Variants in MMD2 observed in about 807,000 individuals in gnomAD.
The protein encoded by MMD2 is monocyte to macrophage differentiation factor 2.
MMD2 carries 30 observed loss-of-function variants against 33.5 expected under a neutral mutation model. The ratio of observed to expected loss-of-function variants is 0.90; its 90% CI spans 0.67 to 1.22. The LOEUF is 1.22. MMD2 is among the 50% of genes most tolerant of loss of function. MMD2 has a pLI of 0.00. For missense variants in MMD2, 364 were observed against 325.4 expected (o/e 1.12, Z -0.91); for synonymous variants, 129 against 123.0 (o/e 1.05, Z -0.32).
rs568787663 is a variant in MMD2 at position 4,940,030 on chromosome 7, C to T, written c.48-14498G>A. On this transcript the variant is annotated intron_variant, in intron 1 of 6. Transcript: ENST00000401401. The surrounding 1 kb of genome is among the most constrained non-coding windows in gnomAD (Gnocchi z 5.0). ...GCGCTGGCATTACAGGCGTGAGCCA[C>T]CGCACCTGGCCCAATCTATTTCTAT... 3.3e-5 allele frequency among the ~76,000 whole-genome samples: 5 copies of T among 152,326 alleles called. No homozygotes were observed. The highest frequency in any genetic ancestry group is 1.2e-4 in the African/African-American group (5 of 41,576).
At chr7:4,895,106 T>G in the MMD2 span, among the ~76,000 whole-genome samples, 20,176 of 146,662 alleles carry the variant, frequency 0.14, 1,981 homozygotes, top group East Asian at 0.33. Flanking sequence ...TGAGACAGAG[T>G]CTCGCTCTGT....
chr7:4,902,251 C>CA (rs893016595), downstream of MMD2, among the ~76,000 whole-genome samples: 77 of 151,988 alleles, frequency 5.1e-4, no homozygotes, highest in African/African-American at 1.8e-3. Context: ...CACGCCCCAC[C>CA]AAAAAAAATA....
At chr7:4,917,280 C>T (rs934528226) in intron 3 of MMD2, among the ~76,000 whole-genome samples, 5 of 152,104 alleles carry the variant, frequency 3.3e-5, no homozygotes, top group African/African-American at 7.2e-5. Flanking sequence ...CTGTAAAACA[C>T]GGAGGATGCC....
chr7:4,957,515 G>A (rs1471803662), intron 1 of MMD2, among the ~76,000 whole-genome samples: 1 of 151,988 alleles, frequency 6.6e-6, no homozygotes, highest in Admixed American at 6.6e-5. Context: ...CGGGCATGGT[G>A]GCAGGTGCCT....
the MMD2 span, among the ~76,000 whole-genome samples, chr7:4,900,029 A>T: frequency 6.6e-6 from 1 of 152,242 alleles, no homozygotes; most frequent in East Asian, 1.9e-4. Flanking sequence ...TGGTGTCCTC[A>T]TATGGCTCAT....
chr7:4,938,018 T>C (rs1583389048), intron 1 of MMD2, among the ~76,000 whole-genome samples: 2 of 128,996 alleles, frequency 1.6e-5, no homozygotes, highest in East Asian at 2.3e-4. Flanking sequence ...TTTTTTTTTT[T>C]TTTTTTTTTT....
chr7:4,943,714 A>T (rs1785975330), intron 1 of MMD2, among the ~76,000 whole-genome samples: 1 of 152,146 alleles, frequency 6.6e-6, no homozygotes, highest in Admixed American at 6.6e-5. Context: ...CTTCTGGAAA[A>T]TTCCTATCCT....
chr7:4,908,702 G>T lies in MMD2; in HGVS notation c.538-1103C>A, dbSNP rs185151214. Among the ~76,000 whole-genome samples the T allele has an allele frequency of 6.9e-3, 1,047 of 151,762 alleles. 12 individuals carry two copies. The highest frequency in any genetic ancestry group is 0.012 in the Non-Finnish European group (831 of 67,922). On this transcript the variant is annotated intron_variant, in intron 6 of 6. Coordinates refer to ENST00000401401, the MANE Select transcript of MMD2 (RefSeq NM_198403.4). ...TCACGAGGTCAGGAGTTCGAGACCA[G>T]CCTGGCCAACATAGTGAAACCCCAT...
rs771873375 is a variant in MMD2, at chr7:4,917,303, C to T, written c.291-1224G>A. ...CACGGAGGATGCCAGCAACCTGACA[C>T]GGGGCTGTGGGGAGGATTAAATTAG... On this transcript the variant is annotated intron_variant, in intron 3 of 6. Coordinates refer to ENST00000401401, the MANE Select transcript of MMD2 (RefSeq NM_198403.4). Among the ~76,000 whole-genome samples, 6 of 152,204 alleles carry T rather than the reference C, an allele frequency of 3.9e-5. No individual in the cohort carries two copies. The East Asian group carries it at 5.8e-4, about 15-fold the overall frequency.
intron 1 of MMD2, among the ~76,000 whole-genome samples, chr7:4,943,071 G>A (rs759515513): frequency 8.6e-5 from 12 of 139,228 alleles, no homozygotes; most frequent in Admixed American, 3.1e-4. Flanking sequence ...GTGCAGTGGC[G>A]CAATGTCAGC....
Position 4,924,486 on chromosome 7 carries a change from A to C in MMD2, c.129+965T>G, listed in dbSNP as rs568994309. Among the ~76,000 whole-genome samples, 4 of 152,344 alleles carry C rather than the reference A, an allele frequency of 2.6e-5. No homozygotes were observed. The East Asian group carries it at 7.7e-4, about 29-fold the overall frequency. Reference sequence around the variant, plus strand: ...TCCAGCAGGGGTTCTGTTTGAACTCATGTCTGCATTGCCAGGGCCTGGAGC... The same window carrying C: ...TCCAGCAGGGGTTCTGTTTGAACTCCTGTCTGCATTGCCAGGGCCTGGAGC... On this transcript the variant is annotated intron_variant, in intron 2 of 6. Transcript: ENST00000401401.
At position 4,920,347 on chromosome 7, in the gene MMD2, C is replaced by T. The variant is rs757138338; in HGVS notation, c.130-16G>A. On this transcript the variant is annotated splice_polypyrimidine_tract_variant and intron_variant, in intron 2 of 6. Transcript: ENST00000401401. ...TGATCCAGAACTGGAGGGGCAGGGA[C>T]GGCAGGGACAGGTGCAGCAGCTGGG... 23 of 1,602,378 alleles carry T rather than the reference C, an allele frequency of 1.4e-5. No homozygotes were observed. Among genetic ancestry groups the T allele is most frequent in the Middle Eastern group, 1.6e-4 (1 of 6,068 alleles).
At chr7:4,953,970 C>G (rs1377142258) in intron 1 of MMD2, among the ~76,000 whole-genome samples, 1 of 151,374 alleles carries the variant, frequency 6.6e-6, no homozygotes, top group Non-Finnish European at 1.5e-5. Flanking sequence ...GGGATCCTCC[C>G]ACCTCAGCCT....
intron 1 of MMD2, among the ~76,000 whole-genome samples, chr7:4,954,778 T>C (rs1786340369): frequency 6.6e-6 from 1 of 152,220 alleles, no homozygotes. Flanking sequence ...TTGTACTTTA[T>C]GTGCCTTCAG....
chr7:4,898,900 G>C, the MMD2 span, among the ~76,000 whole-genome samples: 1 of 150,952 alleles, frequency 6.6e-6, no homozygotes, highest in East Asian at 1.9e-4. Flanking sequence ...CTCTGTCTCA[G>C]AAAAAAGAAA....
chr7:4,908,768 G>A (rs945161268), intron 6 of MMD2, among the ~76,000 whole-genome samples: 13 of 151,738 alleles, frequency 8.6e-5, no homozygotes, highest in African/African-American at 2.2e-4. Flanking sequence ...GTGGTGGCAC[G>A]CGCCTGTAAT....
chr7:4,895,376 A>C, the MMD2 span, among the ~76,000 whole-genome samples: 6 of 152,088 alleles, frequency 3.9e-5, no homozygotes, highest in Non-Finnish European at 7.4e-5. Flanking sequence ...GAGCCCAGCC[A>C]GCTGAAGTCT....
intron 2 of MMD2, among the ~76,000 whole-genome samples, chr7:4,921,257 C>T (rs576331301): frequency 1.2e-4 from 18 of 152,182 alleles, no homozygotes; most frequent in African/African-American, 4.1e-4. Flanking sequence ...GCTTGGACTG[C>T]CCTGAAGGAA....
At chr7:4,903,555 G>T (rs1784822424), downstream of MMD2, among the ~76,000 whole-genome samples, 1 of 152,196 alleles carries the variant, frequency 6.6e-6, no homozygotes, top group South Asian at 2.1e-4. Context: ...CCCTGGCCGG[G>T]AGGCTGTCGA....
Sources: allele counts gnomAD v4.1 joint callset (sites outside exome capture counted in the v4.1 genomes callset), GRCh38; gene constraint gnomAD v4.1.1; non-coding constraint Gnocchi (gnomAD v3.1); transcripts MANE v1.5; gene names NCBI Gene and HGNC (gene_info 2026-07-23, HGNC 2026-07-21).